The following EPM2A variants were observed in gnomAD, a reference collection of about 807,000 sequenced individuals.
EPM2A encodes EPM2A glucan phosphatase, laforin.
A neutral mutation model predicts 26.5 loss-of-function variants in EPM2A; 21 were observed. The ratio of observed to expected loss-of-function variants is 0.79; its 90% confidence interval spans 0.56 to 1.14. EPM2A has a LOEUF of 1.14. Among genes scored for constraint, EPM2A ranks in the 50% most tolerant of loss-of-function variants. The pLI, the probability that EPM2A is intolerant of heterozygous loss-of-function variation, is 0.00. For synonymous variants in EPM2A, 217 were observed against 177.6 expected (o/e 1.22, Z -1.76); for missense variants, 458 against 440.8 (o/e 1.04, Z -0.35).
chr6:145,509,428 C>A (rs149969257), intron 2 of EPM2A, among the ~76,000 whole-genome samples: 1 of 152,078 alleles, frequency 6.6e-6, no homozygotes, highest in Non-Finnish European at 1.5e-5. Context: ...GATTGGGGGC[C>A]CATTTTTAGC....
At chr6:145,502,786 G>C (rs1172431326) in intron 2 of EPM2A, among the ~76,000 whole-genome samples, 1 of 152,070 alleles carries the variant, frequency 6.6e-6, no homozygotes, top group Non-Finnish European at 1.5e-5. Context: ...ATATTTATTT[G>C]TTTGATACAA....
intron 2 of EPM2A, among the ~76,000 whole-genome samples, chr6:145,539,969 C>G (rs1780484442): frequency 6.6e-6 from 1 of 152,182 alleles, no homozygotes; most frequent in Non-Finnish European, 1.5e-5. Context: ...GAAACAGCTA[C>G]TATGACTCAG....
chr6:145,485,158 C>T (rs1252819508), intron 4 of EPM2A, among the ~76,000 whole-genome samples: 3 of 151,572 alleles, frequency 2.0e-5, no homozygotes, highest in African/African-American at 7.3e-5. Flanking sequence ...GCCTGAGATC[C>T]AATTTTGGGC....
At chr6:145,384,267 C>T (rs1056456493) in intron 4 of EPM2A, among the ~76,000 whole-genome samples, 6 of 152,076 alleles carry the variant, frequency 3.9e-5, no homozygotes, top group South Asian at 2.1e-4. Flanking sequence ...AAAACGTAAA[C>T]GATAACAACA....
At chr6:145,618,544 T>C (rs1775563552) in intron 2 of EPM2A, among the ~76,000 whole-genome samples, 1 of 152,198 alleles carries the variant, frequency 6.6e-6, no homozygotes. Flanking sequence ...GTTCTCATGA[T>C]AGTGAGTTCT....
chr6:145,443,924 C>A (rs1779099031), intron 4 of EPM2A, among the ~76,000 whole-genome samples: 1 of 152,160 alleles, frequency 6.6e-6, no homozygotes, highest in Non-Finnish European at 1.5e-5. Flanking sequence ...TTCCTCCTTG[C>A]CTTATGCCAT....
chr6:145,585,916 T>C (rs968522567), intron 2 of EPM2A, among the ~76,000 whole-genome samples: 5 of 152,240 alleles, frequency 3.3e-5, no homozygotes, highest in Non-Finnish European at 7.3e-5. Flanking sequence ...TCATGAATTA[T>C]TAGGTTTTCC....
intron 2 of EPM2A, among the ~76,000 whole-genome samples, chr6:145,569,854 C>T (rs367894966): frequency 0.067 from 10,139 of 150,874 alleles, 1,130 homozygotes; most frequent in African/African-American, 0.23. Flanking sequence ...ATGGAATATA[C>T]ATATATATAT....
intron 2 of EPM2A, among the ~76,000 whole-genome samples, chr6:145,618,804 C>CT (rs1288062151): frequency 4.6e-5 from 7 of 152,092 alleles, no homozygotes; most frequent in Non-Finnish European, 8.8e-5. Flanking sequence ...GGATTTTTTA[C>CT]TTTTTTCTGA....
chr6:145,452,696 A>G (rs542203075), intron 4 of EPM2A, among the ~76,000 whole-genome samples: 3 of 151,892 alleles, frequency 2.0e-5, no homozygotes, highest in Admixed American at 2.0e-4. Flanking sequence ...CTCAAAAAAA[A>G]AAAAAAAATC....
chr6:145,393,817 C>G (rs1473090424), intron 4 of EPM2A, among the ~76,000 whole-genome samples: 1 of 116,410 alleles, frequency 8.6e-6, no homozygotes, highest in Admixed American at 9.5e-5. Flanking sequence ...CAACCTATGA[C>G]TATTTTTTTT....
chr6:145,414,317 C>T lies in EPM2A; in HGVS notation c.556-30220G>A, dbSNP rs139447835. Among the ~76,000 whole-genome samples, 430 of 151,952 alleles carry T rather than the reference C, an allele frequency of 2.8e-3. 1 individual carries two copies. The highest frequency in any genetic ancestry group is 4.6e-3 in the Admixed American group (70 of 15,244). ...ACTCTGAATTTCTAAATTAGCCTTC[C>T]CAAGTGGCTTTCTTGATGCCGGTTG... On this transcript the variant is annotated intron_variant, in intron 4 of 4. Coordinates refer to the EPM2A transcript ENST00000638717.
chr6:145,580,731 T>A (rs1453470747), intron 2 of EPM2A, among the ~76,000 whole-genome samples: 2 of 152,124 alleles, frequency 1.3e-5, no homozygotes, highest in Non-Finnish European at 2.9e-5. Context: ...CTATGTATAC[T>A]CAGTGTTTAG....
At position 145,666,216 on chromosome 6, in the gene EPM2A, T is replaced by C. The variant is rs1779175579; in HGVS notation, c.476+19906A>G. ...GGTATTCAATTAGGAAAAGAGGAAG[T>C]CAAATTGTCCCTGTTTGCAGACGAC... On this transcript the variant is annotated intron_variant, in intron 2 of 3. Transcript: ENST00000367519. Among the ~76,000 whole-genome samples the C allele has an allele frequency of 2.7e-5, 3 of 109,796 alleles. 1 individual carries two copies. The highest frequency in any genetic ancestry group is 5.3e-5 in the Non-Finnish European group (3 of 56,318). The allele number at this position is 109,796 out of a possible 152,430, so 72.0% of individuals were successfully genotyped here.
At chr6:145,506,513 T>C (rs750244902) in intron 2 of EPM2A, among the ~76,000 whole-genome samples, 1 of 151,876 alleles carries the variant, frequency 6.6e-6, no homozygotes, top group East Asian at 1.9e-4. Context: ...ATACACAAGA[T>C]AGAATGGTGT....
intron 2 of EPM2A, among the ~76,000 whole-genome samples, chr6:145,685,745 T>C (rs1485987158): frequency 6.6e-6 from 1 of 152,164 alleles, no homozygotes; most frequent in Non-Finnish European, 1.5e-5. Flanking sequence ...TTGGATAAGA[T>C]TGTATAAGGA....
At chr6:145,600,137 C>A (rs1236727714) in intron 2 of EPM2A, among the ~76,000 whole-genome samples, 3 of 152,146 alleles carry the variant, frequency 2.0e-5, no homozygotes, top group African/African-American at 7.2e-5. Flanking sequence ...ACAGCCATAT[C>A]ATCTGAAAAT....
intron 2 of EPM2A, among the ~76,000 whole-genome samples, chr6:145,543,615 T>C (rs1358371087): frequency 6.6e-6 from 1 of 152,220 alleles, no homozygotes; most frequent in African/African-American, 2.4e-5. Flanking sequence ...GTATTTGTTT[T>C]ATATTTAGTT....
intron 1 of EPM2A, among the ~76,000 whole-genome samples, chr6:145,690,209 T>C (rs1781185060): frequency 6.6e-6 from 1 of 152,110 alleles, no homozygotes; most frequent in South Asian, 2.1e-4. Context: ...AATCAAAGGT[T>C]TGCATAAGAG....
Sources: gnomAD v4.1 joint callset for allele counts (sites outside exome capture counted in the v4.1 genomes callset) on GRCh38, gnomAD v4.1.1 for gene constraint, MANE v1.5 for transcripts, NCBI Gene and HGNC (gene_info 2026-07-23, HGNC 2026-07-21) for gene names.